The following GLRA2 variants were observed in gnomAD, a reference collection of about 807,000 sequenced individuals.
GLRA2 encodes the protein glycine receptor subunit alpha-2.
In GLRA2, 11 loss-of-function variants were observed where a neutral mutation model predicts 31.6. The ratio of observed to expected loss-of-function variants is 0.35; its 90% CI spans 0.22 to 0.58. The LOEUF is 0.58. Among genes scored for constraint, GLRA2 ranks in the 20% least tolerant of loss-of-function variants. GLRA2 has a pLI of 0.84. For synonymous variants in GLRA2, 132 were observed against 134.0 expected (o/e 0.99, Z 0.10); for missense variants, 212 against 351.8 (o/e 0.60, Z 3.18).
the GLRA2 span, among the ~76,000 whole-genome samples, chrX:14,509,788 T>C: frequency 7.1e-5 from 8 of 112,446 alleles, no homozygotes; most frequent in Non-Finnish European, 1.5e-4. Context: ...ATGAATTTCT[T>C]TGTCATCTTT....
At chrX:14,649,997 T>C (rs181075158) in intron 7 of GLRA2, among the ~76,000 whole-genome samples, 94 of 111,956 alleles carry the variant, frequency 8.4e-4, no homozygotes, top group African/African-American at 2.7e-3. Context: ...CAAGCCCAGG[T>C]AGTATTGTGT....
Position 14,653,577 on chromosome X carries a change from A to C in GLRA2, c.931-37133A>C, listed in dbSNP as rs1042599738. ...CTGAATAGATGAGGAGTTGATGAAG[A>C]AAGGAAGTGGTTTCTTAAGATGCAG... On this transcript the variant is annotated intron_variant, in intron 7 of 8. Transcript: ENST00000218075. 1.5e-4 allele frequency among the ~76,000 whole-genome samples: 17 copies of C among 112,269 alleles called. No individual in the cohort carries two copies. In the Admixed American group the frequency reaches 1.6e-3, roughly 11 times the overall value.
At chrX:14,471,948 G>A in the GLRA2 span, among the ~76,000 whole-genome samples, 1 of 112,040 alleles carries the variant, frequency 8.9e-6, no homozygotes, top group Non-Finnish European at 1.9e-5. Flanking sequence ...GGGAGTGGAG[G>A]TTGGGGTTCT....
At chrX:14,549,078 C>T (rs768167290) in intron 2 of GLRA2, among the ~76,000 whole-genome samples, 1 of 111,860 alleles carries the variant, frequency 8.9e-6, no homozygotes, top group Non-Finnish European at 1.9e-5. Context: ...TACAGGAGAA[C>T]TCAGTTCACT....
chrX:14,686,681 C>T (rs2091282412), intron 7 of GLRA2, among the ~76,000 whole-genome samples: 2 of 111,612 alleles, frequency 1.8e-5, no homozygotes, highest in Non-Finnish European at 3.8e-5. Flanking sequence ...GATCTTCCTC[C>T]ATCCCTTTAT....
intron 8 of GLRA2, among the ~76,000 whole-genome samples, chrX:14,701,381 C>T (rs921485509): frequency 9.0e-6 from 1 of 110,898 alleles, no homozygotes; most frequent in Non-Finnish European, 1.9e-5. Flanking sequence ...ATGGGCAACC[C>T]CTGGTTCAAA....
At chrX:14,644,162 C>A (rs1194216855) in intron 7 of GLRA2, among the ~76,000 whole-genome samples, 1 of 111,744 alleles carries the variant, frequency 8.9e-6, no homozygotes, top group Non-Finnish European at 1.9e-5. Flanking sequence ...CTCCTGACCT[C>A]CTTTGCCCTT....
intron 7 of GLRA2, among the ~76,000 whole-genome samples, chrX:14,687,138 C>G (rs1056769562): frequency 4.5e-5 from 5 of 112,257 alleles, no homozygotes; most frequent in African/African-American, 1.6e-4. Context: ...TTTCCCCACT[C>G]TCTTCTGGCT....
chrX:14,542,848 G>A (rs2089424273), intron 2 of GLRA2, among the ~76,000 whole-genome samples: 1 of 110,027 alleles, frequency 9.1e-6, no homozygotes, highest in African/African-American at 3.3e-5. Flanking sequence ...ATAATGAGTT[G>A]TGTCTAACCT....
At chrX:14,557,102 C>CTTTTTTTTTTTTTTTTT (rs58282642) in intron 2 of GLRA2, among the ~76,000 whole-genome samples, 1 of 46,357 alleles carries the variant, frequency 2.2e-5, no homozygotes, top group Non-Finnish European at 3.5e-5. Context: ...TAAAGTATTT[C>CTTTTTTTTTTTTTTTTT]TTTTTTTTTT....
rs751137407 is a variant in GLRA2, at chrX:14,606,823, G to A, written c.578-308G>A. Among the ~76,000 whole-genome samples the A allele has an allele frequency of 3.6e-5, 4 of 112,155 alleles. No homozygotes were observed. In the South Asian group the frequency reaches 1.5e-3, roughly 41 times the overall value. On this transcript the variant is annotated intron_variant, in intron 5 of 8. Transcript: ENST00000218075. The stretch of plus-strand genomic sequence containing the variant: ...CAATCTTCAAAGGATTTTTATGTTT[G>A]TTCACTTGTTTGTTCTTCAGAAAGA...
chrX:14,540,063 G>C (rs560795837), intron 2 of GLRA2, among the ~76,000 whole-genome samples: 18 of 111,621 alleles, frequency 1.6e-4, no homozygotes, highest in African/African-American at 5.2e-4. Context: ...ATTGTTAGGT[G>C]CTAAGTATAG....
the GLRA2 span, among the ~76,000 whole-genome samples, chrX:14,493,195 A>T: frequency 9.0e-6 from 1 of 111,260 alleles, no homozygotes. Flanking sequence ...CATGAATTTT[A>T]ATAATAGCCT....
intron 7 of GLRA2, among the ~76,000 whole-genome samples, chrX:14,673,351 C>T (rs1418473827): frequency 3.6e-5 from 4 of 112,006 alleles, no homozygotes; most frequent in Non-Finnish European, 7.5e-5. Context: ...ATCACCCATT[C>T]CCTACATATC....
intron 7 of GLRA2, among the ~76,000 whole-genome samples, chrX:14,621,494 C>T (rs896410154): frequency 1.8e-5 from 2 of 110,865 alleles, no homozygotes; most frequent in Non-Finnish European, 3.8e-5. Context: ...GGTATTTCTC[C>T]GAATGCTATC....
intron 7 of GLRA2, among the ~76,000 whole-genome samples, chrX:14,624,949 G>T (rs1204190979): frequency 9.0e-6 from 1 of 111,161 alleles, no homozygotes; most frequent in African/African-American, 3.3e-5. Context: ...TGACAGAGGG[G>T]TGTTAAAGTC....
At chrX:14,464,772 G>T in the GLRA2 span, among the ~76,000 whole-genome samples, 9 of 111,146 alleles carry the variant, frequency 8.1e-5, no homozygotes, top group South Asian at 3.4e-3. Context: ...AGCCAGGATG[G>T]TCTCGATCTC....
At chrX:14,520,359 A>G in the GLRA2 span, among the ~76,000 whole-genome samples, 7 of 112,459 alleles carry the variant, frequency 6.2e-5, no homozygotes, top group African/African-American at 2.3e-4. Flanking sequence ...GCAAAGGAGA[A>G]ATCTTTCTAA....
intron 6 of GLRA2, among the ~76,000 whole-genome samples, chrX:14,607,852 G>C (rs1569508491): frequency 1.8e-5 from 2 of 111,209 alleles, no homozygotes; most frequent in Non-Finnish European, 3.8e-5. Context: ...GGGTTGGGGG[G>C]CAGGTGGTGA....
Sources: allele counts gnomAD v4.1 joint callset (sites outside exome capture counted in the v4.1 genomes callset), GRCh38; gene constraint gnomAD v4.1.1; transcripts MANE v1.5; gene names NCBI Gene and HGNC (gene_info 2026-07-23, HGNC 2026-07-21).